The following LMO2 variants were observed in gnomAD, a reference collection of about 807,000 sequenced individuals.
LMO2 encodes rhombotin-2.
A neutral mutation model predicts 23.2 loss-of-function variants in LMO2; 20 were observed. The ratio of observed to expected loss-of-function variants is 0.86; its 90% CI spans 0.61 to 1.25. The LOEUF is 1.25. Ranked by LOEUF, LMO2 falls within the 50% of genes most tolerant of loss-of-function variation. The probability of loss-of-function intolerance (pLI) is 0.00; values close to 1 mark genes in which losing one functional copy is unlikely to be tolerated. For synonymous variants in LMO2, 123 were observed against 130.2 expected, an observed-to-expected ratio of 0.94 and a Z score of 0.38; for missense variants, 270 against 315.3, an observed-to-expected ratio of 0.86 and a Z score of 1.09.
chr11:33,865,164 T>TC, intron 4 of LMO2: 1 of 366,486 alleles, frequency 2.7e-6, no homozygotes, highest in Non-Finnish European at 5.3e-6. Flanking sequence ...CCGCTGACTC[T>TC]ATCTTCACAG....
intron 2 of LMO2, 41 bp from the exon 3 acceptor site, chr11:33,870,028 A>C: frequency 2.3e-6 from 2 of 868,816 alleles, no homozygotes; most frequent in Non-Finnish European, 2.8e-6. Context: ...ATCACATTTA[A>C]AGAGACAGCT....
At position 33,869,881 on chromosome 11, in the gene LMO2, C is replaced by G; in HGVS notation, c.-165G>C. ...GCCGAGGGCAGAGAGGGGGCGGCGG[C>G]CTAGGGGCGGGGAGGGGACCGTGCG... On this transcript the variant is annotated 5_prime_UTR_variant, in exon 3 of 6. Coordinates refer to ENST00000257818, the MANE Select transcript of LMO2 (RefSeq NM_005574.4). 1 of 1,051,266 alleles carries G rather than the reference C, an allele frequency of 9.5e-7. No homozygotes were observed. Among genetic ancestry groups the G allele is most frequent in the Middle Eastern group, 4.4e-4 (1 of 2,282 alleles). 65.1% of individuals were successfully genotyped at this position (1,051,266 alleles called of 1,614,324 possible).
Position 33,859,416 on chromosome 11 carries a change from G to A in LMO2, c.624C>T (p.Asn208=). The change falls in exon 6 of 6, where the codon AAC becomes AAT. Residue 208 remains asparagine, a synonymous_variant. Coordinates refer to ENST00000257818, the MANE Select transcript of LMO2 (RefSeq NM_005574.4). ...TGTCCTGTTCGCACACTATGTCAGA[G>A]TTGATGAGGAGGTATCTGTCACCTA... The part of the protein sequence containing the change: ...FCVGDRYLLI[N]SDIVCEQDIY... 1.2e-6 allele frequency: 2 copies of A among 1,614,118 alleles called. No individual in the cohort carries two copies. The highest frequency in any genetic ancestry group is 1.7e-6 in the Non-Finnish European group (2 of 1,180,008).
At position 33,870,547 on chromosome 11, in the gene LMO2, G is replaced by C. The variant is rs1856990290; in HGVS notation, c.-271-560C>G. 7.1e-6 allele frequency: 7 copies of C among 985,590 alleles called. No homozygotes were observed. In the South Asian group the frequency reaches 2.8e-4, roughly 40 times the overall value. 61.1% of individuals were successfully genotyped at this position (985,590 alleles called of 1,614,324 possible). A position where few individuals can be genotyped will look rare whatever the true frequency, so the allele number is the denominator to read the frequency against. ...CAGAGGCGATGGTGGTGCGCCAGCC[G>C]GGACTGCACGGGCTGGGGACGCCTA... On this transcript the variant is annotated intron_variant, in intron 2 of 5. Coordinates refer to ENST00000257818, the MANE Select transcript of LMO2 (RefSeq NM_005574.4).
At chr11:33,882,445 C>T (rs969568015) in intron 1 of LMO2, among the ~76,000 whole-genome samples, 2 of 152,232 alleles carry the variant, frequency 1.3e-5, no homozygotes, top group African/African-American at 4.8e-5. Context: ...AAATCTCAAA[C>T]ATGCCTAAAC....
At chr11:33,891,733 G>C (rs2133723438) in intron 1 of LMO2, 62 bp downstream of exon 1, 1 of 152,276 alleles carries the variant, frequency 6.6e-6, no homozygotes, top group South Asian at 2.1e-4. Flanking sequence ...CTGGCTCCTT[G>C]AAGATGAAAA....
Position 33,864,410 on chromosome 11 carries a change from G to C in LMO2, c.464+192C>G, listed in dbSNP as rs1000385660. Among the ~76,000 whole-genome samples, 1 of 152,212 alleles carries C rather than the reference G, an allele frequency of 6.6e-6. No homozygotes were observed. Among genetic ancestry groups the C allele is most frequent in the Non-Finnish European group, 1.5e-5 (1 of 68,036 alleles). On this transcript the variant is annotated intron_variant, in intron 5 of 5. Coordinates refer to ENST00000257818, the MANE Select transcript of LMO2 (RefSeq NM_005574.4). This position sits in a 1 kb window ranked among gnomAD's most constrained non-coding sequence, Gnocchi z 4.8. Reference sequence around the variant, plus strand: ...CATAGGAACGTAACCCTGAGAACATGCTTCTCAAACAGGAAGAAATGCCCT... The same window carrying C: ...CATAGGAACGTAACCCTGAGAACATCCTTCTCAAACAGGAAGAAATGCCCT...
At chr11:33,885,174 G>A (rs1857376882) in intron 1 of LMO2, among the ~76,000 whole-genome samples, 1 of 152,202 alleles carries the variant, frequency 6.6e-6, no homozygotes, top group South Asian at 2.1e-4. Flanking sequence ...TGGGACGTCA[G>A]GAAGAAGTTA....
chr11:33,869,112 C>T (rs1157005143), intron 4 of LMO2, among the ~76,000 whole-genome samples: 1 of 152,222 alleles, frequency 6.6e-6, no homozygotes, highest in African/African-American at 2.4e-5. Context: ...CCTGGAGTGG[C>T]CCGCAGAGGC....
chr11:33,865,211 C>T (rs1324628939), intron 4 of LMO2: 1 of 314,188 alleles, frequency 3.2e-6, no homozygotes, highest in Non-Finnish European at 6.3e-6. Flanking sequence ...ACCTGGACAC[C>T]CAAGGGCACT....
chr11:33,871,916 C>T (rs1857032522), intron 2 of LMO2, among the ~76,000 whole-genome samples: 1 of 152,126 alleles, frequency 6.6e-6, no homozygotes, highest in African/African-American at 2.4e-5. Flanking sequence ...TACCTGGATT[C>T]TAACCCATCC....
At chr11:33,890,261 T>C (rs552018387) in intron 1 of LMO2, among the ~76,000 whole-genome samples, 9 of 152,178 alleles carry the variant, frequency 5.9e-5, no homozygotes, top group Non-Finnish European at 1.2e-4. Context: ...AATCTGGTGA[T>C]AGATACCTTA....
rs375205669 is a variant in LMO2, at chr11:33,886,674, G to A, written c.-335-4787C>T. 9.2e-5 allele frequency among the ~76,000 whole-genome samples: 14 copies of A among 152,230 alleles called. No individual in the cohort carries two copies. The East Asian group carries it at 9.6e-4, about 10-fold the overall frequency. ...ACAGGGGCATCTGTATCCCACAGCT[G>A]TGAGTGGCTGTCTGTGCTTTGGCAT... On this transcript the variant is annotated intron_variant, in intron 1 of 5. Transcript: ENST00000257818.
At chr11:33,887,310 A>G (rs998633379) in intron 1 of LMO2, among the ~76,000 whole-genome samples, 2 of 152,206 alleles carry the variant, frequency 1.3e-5, no homozygotes, top group Non-Finnish European at 2.9e-5. Flanking sequence ...CACCATGGTT[A>G]GGGCATATTG....
chr11:33,859,243 G>T lies in LMO2; in HGVS notation c.*113C>A. On this transcript the variant is annotated 3_prime_UTR_variant, in exon 6 of 6. Transcript: ENST00000257818. ...CCAATAAAGGTCTACCATCCCCTAA[G>T]AAATCCCTTACCCCACCCTCAAACC... The T allele has an allele frequency of 1.4e-6, 1 of 718,728 alleles. No individual in the cohort carries two copies. The highest frequency in any genetic ancestry group is 2.4e-6 in the Non-Finnish European group (1 of 418,930). The allele number at this position is 718,728 out of a possible 1,614,324, so 44.5% of individuals were successfully genotyped here.
intron 1 of LMO2, among the ~76,000 whole-genome samples, chr11:33,888,463 C>T (rs1857465877): frequency 6.6e-6 from 1 of 152,196 alleles, no homozygotes; most frequent in Non-Finnish European, 1.5e-5. Flanking sequence ...TTCTCTTACA[C>T]TCCCTTCCTC....
chr11:33,869,959 CCT>C lies in LMO2; in HGVS notation c.-245_-244del. ...GGAAGGTCTATTTTCGCTCAGCTTC[CCT>C]CTGTCTCTGGTTTCATTTCCTTTTT... On this transcript the variant is annotated 5_prime_UTR_variant, in exon 3 of 6. The change abolishes the stop of an existing upstream ORF in the 5' untranslated region. Coordinates refer to ENST00000257818, the MANE Select transcript of LMO2 (RefSeq NM_005574.4). 10 of 1,041,532 alleles carry C rather than the reference CCT, an allele frequency of 9.6e-6. No individual in the cohort carries two copies. The highest frequency in any genetic ancestry group is 1.2e-5 in the Non-Finnish European group (10 of 865,416). The allele number at this position is 1,041,532 out of a possible 1,614,324, so 64.5% of individuals were successfully genotyped here.
Position 33,869,436 on chromosome 11 carries a change from C to A in LMO2, c.158G>T (p.Arg53Leu). Residue 53 changes from arginine (R) to leucine (L), a missense_variant, in exon 4 of 6, where the codon CGC becomes CTC. This residue lies in a region of LMO2 where 170 missense variants were observed against 162.0 expected (regional missense o/e 1.05). Transcript: ENST00000257818. The stretch of plus-strand genomic sequence containing the variant: ...CGGCGGGGGCGCTCCCTTTGTGGCG[C>A]GGGGCTGGCCGGCTGCCGGGGCTCG... ...GVRAPAAGQP[R>L]ATKGAPPPPG... is the part of the protein sequence containing the mutation. 8.4e-7 allele frequency: 1 copy of A among 1,194,514 alleles called. No individual in the cohort carries two copies. Among genetic ancestry groups the A allele is most frequent in the Non-Finnish European group, 1.0e-6 (1 of 958,260 alleles). The allele number at this position is 1,194,514 out of a possible 1,614,324, so 74.0% of individuals were successfully genotyped here.
chr11:33,877,399 G>A (rs1380124391), intron 2 of LMO2, among the ~76,000 whole-genome samples: 3 of 152,152 alleles, frequency 2.0e-5, no homozygotes, highest in East Asian at 1.9e-4. Flanking sequence ...CACTGAGCCT[G>A]GCAGGGGAAG....
Sources: gnomAD v4.1 joint callset for allele counts (sites outside exome capture counted in the v4.1 genomes callset) on GRCh38, gnomAD v4.1.1 for gene constraint, gnomAD v4.1.1 regional missense constraint, Gnocchi (gnomAD v3.1) non-coding constraint, MANE v1.5 for transcripts, NCBI Gene and HGNC (gene_info 2026-07-23, HGNC 2026-07-21) for gene names.